The following ABCB6 variants were observed in gnomAD, a reference collection of about 807,000 sequenced individuals.
ABCB6 encodes ATP-binding cassette sub-family B member 6.
A neutral mutation model predicts 99.4 loss-of-function variants in ABCB6; 87 were observed. The ratio of observed to expected loss-of-function variants is 0.88; its 90% CI spans 0.74 to 1.05. ABCB6 has a LOEUF of 1.05. Ranked by LOEUF, ABCB6 falls within the 50% of genes least tolerant of loss-of-function variation. ABCB6 has a pLI of 0.00. For missense variants in ABCB6, 1,050 were observed against 1,097.9 expected (o/e 0.96, Z 0.62); for synonymous variants, 482 against 447.5 (o/e 1.08, Z -0.97).
chr2:219,210,791 T>G lies in ABCB6; in HGVS notation c.2176A>C (p.Lys726Gln). 1 of 1,613,860 alleles carries G rather than the reference T, an allele frequency of 6.2e-7. No individual in the cohort carries two copies. Among genetic ancestry groups the G allele is most frequent in the Non-Finnish European group, 8.5e-7 (1 of 1,180,004 alleles). ...CGCTGCTTCTCCCCGCCGCTCAGCTTCAGTCCCCGCTCGCCCACCTGTGTC... is the reference window on the plus strand; with the variant it reads ...CGCTGCTTCTCCCCGCCGCTCAGCTGCAGTCCCCGCTCGCCCACCTGTGTC... Reference protein sequence around the residue: ...YRTQVGERGLKLSGGEKQRVA... With the variant: ...YRTQVGERGLQLSGGEKQRVA... The change falls in exon 16 of 19, where the codon AAG becomes CAG. Residue 726 changes from lysine (K) to glutamine (Q), a missense_variant. Transcript: ENST00000265316.
intron 7 of ABCB6, 84 bp from the exon 8 acceptor site, chr2:219,214,270 C>T: frequency 6.6e-7 from 1 of 1,521,216 alleles, no homozygotes; most frequent in Non-Finnish European, 9.1e-7. Context: ...ATCCTCCTTC[C>T]TGAGTTCAAA....
At chr2:219,217,985 A>T (rs937410542) in intron 1 of ABCB6, 140 bp downstream of exon 1, 20 of 1,361,268 alleles carry the variant, frequency 1.5e-5, no homozygotes, top group African/African-American at 3.0e-5. Flanking sequence ...GCTGGCTATC[A>T]GCTCCCGGCA....
In ABCB6 at chr2:219,212,949, T is replaced by C. The variant is rs1950596353; in HGVS notation, c.1863+59A>G. The C allele has an allele frequency of 3.2e-6, 5 of 1,574,952 alleles. No individual in the cohort carries two copies. The African/African-American group carries it at 4.0e-5, about 13-fold the overall frequency. ...CCACAGCCTGGGTCACAAGCTACCA[T>C]GGGCACTGAATGAGGGAAGCTTGAG... On this transcript the variant is annotated intron_variant, in intron 13 of 18. Coordinates refer to ENST00000265316, the MANE Select transcript of ABCB6 (RefSeq NM_005689.4).
rs1347611536 is a variant in ABCB6, at chr2:219,213,926, G to A, written c.1478C>T (p.Ser493Leu). 6.2e-7 allele frequency: 1 copy of A among 1,614,072 alleles called. No homozygotes were observed. The highest frequency in any genetic ancestry group is 8.5e-7 in the Non-Finnish European group (1 of 1,180,040). ...CTGGGTCTGATTTAGTAAAACCAGTGAAGCGCTCGACTTCCACTCCAAACC... is the reference window on the plus strand; with the variant it reads ...CTGGGTCTGATTTAGTAAAACCAGTAAAGCGCTCGACTTCCACTCCAAACC... ...YQGLEWKSSA[S>L]LVLLNQTQNL... Residue 493 changes from serine (S) to leucine (L), a missense_variant, in exon 9 of 19, where the codon TCA (serine) becomes TTA (leucine). Coordinates refer to ENST00000265316, the MANE Select transcript of ABCB6 (RefSeq NM_005689.4).
chr2:219,213,612 TG>T lies in ABCB6; in HGVS notation c.1632del (p.Asn545IlefsTer9). 6.2e-7 allele frequency: 1 copy of T among 1,614,094 alleles called. No homozygotes were observed. Among genetic ancestry groups the T allele is most frequent in the Non-Finnish European group, 8.5e-7 (1 of 1,180,026 alleles). On this transcript the variant is annotated frameshift_variant, in exon 10 of 19. Coordinates refer to ENST00000265316, the MANE Select transcript of ABCB6 (RefSeq NM_005689.4). LOFTEE classifies it high-confidence loss of function. ...GTYIIQLYMP[L>X]NWFGTYYRMI... ...TACCTGTAGTAGGTGCCAAACCAATTGAGGGGCATGTACAGCTGGATAATGT... is the reference window on the plus strand; with the variant it reads ...TACCTGTAGTAGGTGCCAAACCAATTAGGGGCATGTACAGCTGGATAATGT...
At position 219,213,246 on chromosome 2, in the gene ABCB6, G is replaced by A. The variant is rs558725837; in HGVS notation, c.1800C>T (p.Ala600=). The A allele has an allele frequency of 1.6e-4, 256 of 1,614,152 alleles. No individual in the cohort carries two copies. In the South Asian group the frequency reaches 2.6e-3, roughly 17 times the overall value. Residue 600 remains alanine (A), a synonymous_variant, in exon 12 of 19, where the codon GCC becomes GCT. Coordinates refer to ENST00000265316, the MANE Select transcript of ABCB6 (RefSeq NM_005689.4). ...IEFENVHFSY[A]DGRETLQDVS... is the part of the protein sequence containing the mutation. ...AAGCAAAAGGAAGGCCTCACCCATC[G>A]GCATAGCTGAAGTGCACGTTCTCAA...
rs1369017464 is a variant in ABCB6, at chr2:219,218,480, C to T, written c.194G>A (p.Gly65Glu). 1 of 1,608,044 alleles carries T rather than the reference C, an allele frequency of 6.2e-7. No homozygotes were observed. Among genetic ancestry groups the T allele is most frequent in the Admixed American group, 1.7e-5 (1 of 58,816 alleles). The change falls in exon 1 of 19, where the codon GGG (glycine) becomes GAG (glutamate). Residue 65 changes from glycine (G) to glutamate (E), a missense_variant. Transcript: ENST00000265316. The stretch of plus-strand genomic sequence containing the variant: ...GTAGGGAGAGATGCGAGGGCCGGCC[C>T]CCCAAGACAGCGAATCAGCACCAGC... ...RPAGADSLSWGAGPRISPYVL... is the reference protein window; with the variant it reads ...RPAGADSLSWEAGPRISPYVL...
rs1950590892 is a variant in ABCB6 at position 219,212,477 on chromosome 2, C to T, written c.1878G>A (p.Gly626=). ...GGCGCAAAATTGTGCTCTTCCCTGC[C>T]CCAGATGGGCCCACCTGTTGCATTG... ...GQTLALVGPS[G]AGKSTILRLL... is the part of the protein sequence containing the mutation. The change falls in exon 14 of 19, where the codon GGG becomes GGA. Residue 626 remains glycine (G), a synonymous_variant. Coordinates refer to ENST00000265316, the MANE Select transcript of ABCB6 (RefSeq NM_005689.4). 6.2e-7 allele frequency: 1 copy of T among 1,613,958 alleles called. No homozygotes were observed. The highest frequency in any genetic ancestry group is 8.5e-7 in the Non-Finnish European group (1 of 1,179,962).
intron 14 of ABCB6, among the ~76,000 whole-genome samples, chr2:219,212,146 C>T (rs1950586506): frequency 6.6e-6 from 1 of 152,210 alleles, no homozygotes; most frequent in Non-Finnish European, 1.5e-5. Context: ...ATCCACCTGC[C>T]TCGGCCTCCC....
chr2:219,218,043 T>C (rs1000818861), intron 1 of ABCB6, 82 bp downstream of exon 1: 3 of 1,497,594 alleles, frequency 2.0e-6, no homozygotes. Flanking sequence ...TCCTAAAGCC[T>C]GGAAGCAGTG....
At chr2:219,214,096 G>C in intron 8 of ABCB6, 25 bp downstream of exon 8, 2 of 1,613,744 alleles carry the variant, frequency 1.2e-6, no homozygotes, top group Non-Finnish European at 8.5e-7. Flanking sequence ...ATTATTCTCC[G>C]GAGGCCTCAA....
In ABCB6 at chr2:219,216,022, TGCCCCGA is replaced by T. The variant is rs993325081; in HGVS notation, c.1122_1128del (p.Asp374GlufsTer46). 6.3e-7 allele frequency: 1 copy of T among 1,596,130 alleles called. No homozygotes were observed. Among genetic ancestry groups the T allele is most frequent in the African/African-American group, 1.3e-5 (1 of 74,628 alleles). On this transcript the variant is annotated frameshift_variant, in exon 5 of 19. Transcript: ENST00000265316. LOFTEE classifies it high-confidence loss of function. The surrounding 1 kb of genome is among the most constrained non-coding windows in gnomAD (Gnocchi z 4.2). ...CTGAGCAGCCCTGTGACACTGGATG[TGCCCCGA>T]TCCGCGATCCGCAGCACCTCCCCTG...
chr2:219,212,559 G>A (rs945537985), intron 13 of ABCB6, 68 bp from the exon 14 acceptor site: 80 of 1,235,760 alleles, frequency 6.5e-5, no homozygotes, highest in Non-Finnish European at 8.4e-5. Flanking sequence ...ATCTCACTCC[G>A]TCACCCAGGC....
chr2:219,214,200 A>T lies in ABCB6; in HGVS notation c.1387-14T>A. ...GTAATACTTCACCTGATGAATTCAA[A>T]CCAAATTTATTTGGCATGGGCACAG... On this transcript the variant is annotated splice_polypyrimidine_tract_variant and intron_variant, in intron 7 of 18. Coordinates refer to ENST00000265316, the MANE Select transcript of ABCB6 (RefSeq NM_005689.4). The T allele has an allele frequency of 6.2e-7, 1 of 1,614,004 alleles. No individual in the cohort carries two copies. The highest frequency in any genetic ancestry group is 8.5e-7 in the Non-Finnish European group (1 of 1,179,908).
In ABCB6 at chr2:219,218,505, C is replaced by T. The variant is rs387906911; in HGVS notation, c.169G>A (p.Ala57Thr). The change falls in exon 1 of 19, where the codon GCT becomes ACT. Residue 57 changes from alanine to threonine, a missense_variant. Ala to Thr is a moderately conservative substitution (Grantham distance 58, BLOSUM62 0). Coordinates refer to ENST00000265316, the MANE Select transcript of ABCB6 (RefSeq NM_005689.4). Reference sequence around the variant, plus strand: ...CCCCAAGACAGCGAATCAGCACCAGCGGGCCGCTCCCGGCGTCTGCAGGGA... The same window carrying T: ...CCCCAAGACAGCGAATCAGCACCAGTGGGCCGCTCCCGGCGTCTGCAGGGA... ...ALPCRRRERP[A>T]GADSLSWGAG... is the part of the protein sequence containing the mutation. The T allele has an allele frequency of 8.1e-5, 130 of 1,608,946 alleles. 2 individuals are homozygous for T. In the South Asian group the frequency reaches 1.3e-3, roughly 16 times the overall value.
rs1950687996 is a variant in ABCB6, at chr2:219,218,946, G to A, written c.-273C>T. 1 of 418,712 alleles carries A rather than the reference G, an allele frequency of 2.4e-6. No homozygotes were observed. The highest frequency in any genetic ancestry group is 4.3e-6 in the Non-Finnish European group (1 of 234,846). The allele number at this position is 418,712 out of a possible 1,614,324, so 25.9% of individuals were successfully genotyped here. ...GCCCGGGACCCTCCTGCCAACTGCA[G>A]GCCCACGGGAATGCTCGGTGTTGGA... On this transcript the variant is annotated 5_prime_UTR_variant, in exon 1 of 19. Transcript: ENST00000265316.
At position 219,216,859 on chromosome 2, in the gene ABCB6, G is replaced by A; in HGVS notation, c.688-27C>T. 1 of 1,590,522 alleles carries A rather than the reference G, an allele frequency of 6.3e-7. No individual in the cohort carries two copies. Among genetic ancestry groups the A allele is most frequent in the Non-Finnish European group, 8.6e-7 (1 of 1,169,442 alleles). On this transcript the variant is annotated intron_variant, in intron 2 of 18. Coordinates refer to ENST00000265316, the MANE Select transcript of ABCB6 (RefSeq NM_005689.4). The surrounding 1 kb of genome is among the most constrained non-coding windows in gnomAD (Gnocchi z 4.2). ...TAGGATGGTGAAACACGTAGGAAGGGAGCTCAGAAATCAAGTAAGTGCACT... is the reference window on the plus strand; with the variant it reads ...TAGGATGGTGAAACACGTAGGAAGGAAGCTCAGAAATCAAGTAAGTGCACT...
rs764321447 is a variant in ABCB6 at position 219,216,473 on chromosome 2, G to A, written c.869-8C>T. The A allele has an allele frequency of 3.1e-6, 5 of 1,613,426 alleles. No homozygotes were observed. Among genetic ancestry groups the A allele is most frequent in the African/African-American group, 2.7e-5 (2 of 74,862 alleles). ...TCTCAGTCAGCAAGTTCACTGTGGA[G>A]GAAACGAGTCAGAACCCACTTATGG... On this transcript the variant is annotated splice_polypyrimidine_tract_variant and splice_region_variant and intron_variant, in intron 3 of 18. Transcript: ENST00000265316. The surrounding 1 kb of genome is among the most constrained non-coding windows in gnomAD (Gnocchi z 4.2).
rs1323446591 is a variant in ABCB6, at chr2:219,213,963, AAC to A, written c.1453-14_1453-13del. 3 of 1,614,012 alleles carry A rather than the reference AAC, an allele frequency of 1.9e-6. No homozygotes were observed. The highest frequency in any genetic ancestry group is 3.3e-5 in the Admixed American group (2 of 60,026). ...TTCCACTCCAAACCCTGAGGGCAAT[AAC>A]ACAGGAAGAGGAATGTCCTATACAC... On this transcript the variant is annotated splice_polypyrimidine_tract_variant and intron_variant, in intron 8 of 18. Coordinates refer to ENST00000265316, the MANE Select transcript of ABCB6 (RefSeq NM_005689.4).
Sources: gnomAD v4.1 joint callset for allele counts (sites outside exome capture counted in the v4.1 genomes callset) on GRCh38, gnomAD v4.1.1 for gene constraint, Gnocchi (gnomAD v3.1) non-coding constraint, MANE v1.5 for transcripts, NCBI Gene and HGNC (gene_info 2026-07-23, HGNC 2026-07-21) for gene names.